The following NFKBIB variants were observed in gnomAD, a reference collection of about 807,000 sequenced individuals.
NFKBIB encodes the protein NFKB inhibitor beta.
In NFKBIB, 16 loss-of-function variants were observed where a neutral mutation model predicts 32.1. The ratio of observed to expected loss-of-function variants is 0.50; its 90% CI spans 0.34 to 0.76. The LOEUF is 0.76. NFKBIB is among the 30% of genes least tolerant of loss of function. The pLI, the probability that NFKBIB is intolerant of heterozygous loss-of-function variation, is 0.01. For synonymous variants in NFKBIB, 222 were observed against 219.5 expected (o/e 1.01, Z -0.10); for missense variants, 437 against 514.9 (o/e 0.85, Z 1.46).
chr19:38,904,850 C>T (rs531517889), intron 1 of NFKBIB, among the ~76,000 whole-genome samples, 165 bp from the exon 2 acceptor site: 3 of 152,234 alleles, frequency 2.0e-5, no homozygotes, highest in African/African-American at 4.8e-5. Flanking sequence ...ATTGATTCCA[C>T]GAATTTGCTG....
chr19:38,900,025 C>CG lies in NFKBIB; in HGVS notation c.-3dup, dbSNP rs1465073278. Reference sequence around the variant, plus strand: ...CGACTGCGGGGGGCCCCTGAGGCGGCGGGGGCCATGGCTGGGGTCGCGTGC... The same window carrying CG: ...CGACTGCGGGGGGCCCCTGAGGCGGCGGGGGGCCATGGCTGGGGTCGCGTGC... On this transcript the variant is annotated 5_prime_UTR_variant, in exon 1 of 6. Coordinates refer to ENST00000313582, the MANE Select transcript of NFKBIB (RefSeq NM_002503.5). 5.5e-6 allele frequency: 8 copies of CG among 1,460,514 alleles called. No homozygotes were observed. The highest frequency in any genetic ancestry group is 2.6e-5 in the Admixed American group (1 of 38,388). The allele number at this position is 1,460,514 out of a possible 1,614,324, so 90.5% of individuals were successfully genotyped here. A position where few individuals can be genotyped will look rare whatever the true frequency, so the allele number is the denominator to read the frequency against.
At chr19:38,908,617 G>T in intron 5 of NFKBIB, 114 bp from the exon 6 acceptor site, 1 of 1,421,154 alleles carries the variant, frequency 7.0e-7, no homozygotes, top group Non-Finnish European at 9.2e-7. Context: ...GCCAGGAGCA[G>T]GGGAACTTGG....
In NFKBIB at chr19:38,902,085, C is replaced by CTTTTTCTTTT. The variant is rs1555739747; in HGVS notation, c.179+1879_179+1880insCTTTTTTTTT. ...CTGTATAGTGTTTTTCATTTTATTTCTTTTTTTTTTTTTGAGATGGAGTCT... is the reference window on the plus strand; with the variant it reads ...CTGTATAGTGTTTTTCATTTTATTTCTTTTTCTTTTTTTTTTTTTTTTTGAGATGGAGTCT... On this transcript the variant is annotated intron_variant, in intron 1 of 5. Transcript: ENST00000313582. Among the ~76,000 whole-genome samples the CTTTTTCTTTT allele has an allele frequency of 1.6e-4, 15 of 92,368 alleles. 2 individuals are homozygous for CTTTTTCTTTT. The highest frequency in any genetic ancestry group is 1.6e-4 in the Non-Finnish European group (8 of 49,184). 60.6% of individuals were successfully genotyped at this position (92,368 alleles called of 152,430 possible).
Position 38,900,145 on chromosome 19 carries a change from C to A in NFKBIB, c.113C>A (p.Ala38Glu), listed in dbSNP as rs116900177. ...GCCCCCGGAGGACCTGGGTTGGGCG[C>A]GGAGTTGGGCCCGGGGCTGTCGTGG... Reference protein sequence around the residue: ...AAAPGGPGLGAELGPGLSWAP... With the variant: ...AAAPGGPGLGEELGPGLSWAP... Residue 38 changes from alanine to glutamate, a missense_variant, in exon 1 of 6, where the codon GCG becomes GAG. By Grantham distance (107) the Ala-to-Glu change is moderately radical (BLOSUM62 -1). Coordinates refer to ENST00000313582, the MANE Select transcript of NFKBIB (RefSeq NM_002503.5). 11 of 1,596,976 alleles carry A rather than the reference C, an allele frequency of 6.9e-6. No homozygotes were observed. In the South Asian group the frequency reaches 1.2e-4, roughly 18 times the overall value.
rs757439180 is a variant in NFKBIB, at chr19:38,907,455, T to A, written c.765T>A (p.Asp255Glu). ...TGGCAGTGGAGGCCCAGGCAGCCGA[T>A]GTGCTGGAGCTTCTCCTGAGGGCAG... Reference protein sequence around the residue: ...LHLAVEAQAADVLELLLRAGA... With the variant: ...LHLAVEAQAAEVLELLLRAGA... The change falls in exon 5 of 6, where the codon GAT (aspartate) becomes GAA (glutamate). Residue 255 changes from aspartate (D) to glutamate (E), a missense_variant. Coordinates refer to ENST00000313582, the MANE Select transcript of NFKBIB (RefSeq NM_002503.5). The A allele has an allele frequency of 8.1e-6, 13 of 1,607,126 alleles. No individual in the cohort carries two copies. The highest frequency in any genetic ancestry group is 1.0e-5 in the Non-Finnish European group (12 of 1,175,638).
rs770065311 is a variant in NFKBIB, at chr19:38,908,824, C to T, written c.1063C>T (p.Pro355Ser). ...AAAACCTCTTCCTGACGACCCCCGCCCCGTGTGATTTGTTTCATTGTTAAT... is the reference window on the plus strand; with the variant it reads ...AAAACCTCTTCCTGACGACCCCCGCTCCGTGTGATTTGTTTCATTGTTAAT... Reference protein sequence around the residue: ...ASKPLPDDPRPV With the variant: ...ASKPLPDDPRSV The change falls in exon 6 of 6, where the codon CCC becomes TCC. Residue 355 changes from proline (P) to serine (S), a missense_variant. Transcript: ENST00000313582. 1.2e-6 allele frequency: 2 copies of T among 1,611,104 alleles called. No homozygotes were observed. The highest frequency in any genetic ancestry group is 1.7e-6 in the Non-Finnish European group (2 of 1,179,304).
chr19:38,907,472 T>A lies in NFKBIB; in HGVS notation c.782T>A (p.Leu261Gln). Residue 261 changes from leucine to glutamine, a missense_variant, in exon 5 of 6, where the codon CTG (leucine) becomes CAG (glutamine). Physicochemically the swap from Leu to Gln is moderately radical, Grantham distance 113. Transcript: ENST00000313582. ...GCAGCCGATGTGCTGGAGCTTCTCC[T>A]GAGGGCAGGCGCGAACCCTGCTGCC... ...AQAADVLELLLRAGANPAARM... is the reference protein window; with the variant it reads ...AQAADVLELLQRAGANPAARM... 1 of 1,611,120 alleles carries A rather than the reference T, an allele frequency of 6.2e-7. No individual in the cohort carries two copies. The highest frequency in any genetic ancestry group is 8.5e-7 in the Non-Finnish European group (1 of 1,178,652).
intron 5 of NFKBIB, chr19:38,907,908 T>C: frequency 7.4e-7 from 1 of 1,355,950 alleles, no homozygotes; most frequent in South Asian, 2.0e-5. Context: ...AGAAAAGGCG[T>C]TGGTCGCAGT....
At chr19:38,900,250 C>T (rs1270547148) in intron 1 of NFKBIB, 39 bp downstream of exon 1, 2 of 1,539,806 alleles carry the variant, frequency 1.3e-6, no homozygotes, top group South Asian at 1.2e-5. Flanking sequence ...GCCCTAGGAC[C>T]CGGCGTCACA....
intron 5 of NFKBIB, 168 bp downstream of exon 5, chr19:38,907,827 GTGGGAAGAGCT>G: frequency 1.4e-6 from 2 of 1,425,692 alleles, no homozygotes; most frequent in African/African-American, 1.4e-5. Context: ...GACAGGGGTG[GTGGGAAGAGCT>G]TGGGCAGAAG....
chr19:38,907,550 C>G lies in NFKBIB; in HGVS notation c.860C>G (p.Pro287Arg), dbSNP rs771782234. 6.2e-7 allele frequency: 1 copy of G among 1,612,544 alleles called. No homozygotes were observed. The highest frequency in any genetic ancestry group is 8.5e-7 in the Non-Finnish European group (1 of 1,179,684). Residue 287 changes from proline (P) to arginine (R), a missense_variant, in exon 5 of 6, where the codon CCC becomes CGC. Pro to Arg is a moderately radical substitution (Grantham distance 103). Coordinates refer to ENST00000313582, the MANE Select transcript of NFKBIB (RefSeq NM_002503.5). ...GGCAGTGCCATGCTCCGGCCCAACCCCATCCTCGCCCGCCTCCTCCGTGCA... is the reference window on the plus strand; with the variant it reads ...GGCAGTGCCATGCTCCGGCCCAACCGCATCCTCGCCCGCCTCCTCCGTGCA... The part of the protein sequence containing the change: ...PLGSAMLRPN[P>R]ILARLLRAHG...
chr19:38,903,839 G>A (rs2144728850), intron 1 of NFKBIB, among the ~76,000 whole-genome samples: 1 of 152,076 alleles, frequency 6.6e-6, no homozygotes, highest in East Asian at 2.0e-4. Context: ...GGGAGGCCAA[G>A]GCGGGTGGAT....
At position 38,907,983 on chromosome 19, in the gene NFKBIB, G is replaced by T. The variant is rs370233723; in HGVS notation, c.969+324G>T. 63 of 1,195,046 alleles carry T rather than the reference G, an allele frequency of 5.3e-5. No homozygotes were observed. In the East Asian group the frequency reaches 7.1e-4, roughly 14 times the overall value. 74.0% of individuals were successfully genotyped at this position (1,195,046 alleles called of 1,614,324 possible). ...GTGATTTTAGGCAGCAAGAATTGGA[G>T]AACTCACACTGCGAAAAGAAAACCT... On this transcript the variant is annotated intron_variant, in intron 5 of 5. Transcript: ENST00000313582.
upstream of NFKBIB, chr19:38,899,726 AGC>A: frequency 1.3e-6 from 1 of 782,208 alleles, no homozygotes; most frequent in African/African-American, 1.7e-5. Flanking sequence ...CAACACCCAG[AGC>A]GCCCCAGTTA....
chr19:38,905,094 A>G lies in NFKBIB; in HGVS notation c.259A>G (p.Met87Val). The G allele has an allele frequency of 1.2e-6, 2 of 1,614,170 alleles. No homozygotes were observed. Among genetic ancestry groups the G allele is most frequent in the Non-Finnish European group, 8.5e-7 (1 of 1,180,036 alleles). Residue 87 changes from methionine (M) to valine (V), a missense_variant, in exon 2 of 6, where the codon ATG (methionine) becomes GTG (valine). By Grantham distance (21) the Met-to-Val change is conservative (BLOSUM62 1). Transcript: ENST00000313582. The surrounding 1 kb of genome is among the most constrained non-coding windows in gnomAD (Gnocchi z 5.5). ...LLGFSAGTEY[M>V]DLQNDLGQTA... Reference sequence around the variant, plus strand: ...AGGCTTCTCGGCCGGCACTGAGTACATGGACCTGCAGAATGACCTAGGCCA... The same window carrying G: ...AGGCTTCTCGGCCGGCACTGAGTACGTGGACCTGCAGAATGACCTAGGCCA...
Position 38,907,420 on chromosome 19 carries a change from C to T in NFKBIB, c.730C>T (p.Pro244Ser), listed in dbSNP as rs551543726. The T allele has an allele frequency of 9.3e-5, 148 of 1,594,672 alleles. No homozygotes were observed. In the South Asian group the frequency reaches 1.6e-3, roughly 17 times the overall value. Residue 244 changes from proline to serine, a missense_variant, in exon 5 of 6, where the codon CCC becomes TCC. By Grantham distance (74) the Pro-to-Ser change is moderately conservative (BLOSUM62 -1). Coordinates refer to ENST00000313582, the MANE Select transcript of NFKBIB (RefSeq NM_002503.5). Reference sequence around the variant, plus strand: ...ACAGGAGCCCACGTGCGGCCGGAGCCCCCTTCATTTGGCAGTGGAGGCCCA... The same window carrying T: ...ACAGGAGCCCACGTGCGGCCGGAGCTCCCTTCATTTGGCAGTGGAGGCCCA... ...DKPEPTCGRS[P>S]LHLAVEAQAA...
chr19:38,908,502 G>A, intron 5 of NFKBIB: 2 of 1,223,640 alleles, frequency 1.6e-6, no homozygotes, highest in Non-Finnish European at 2.1e-6. Context: ...TCACGCCACT[G>A]CATTCCAGCC....
intron 1 of NFKBIB, among the ~76,000 whole-genome samples, chr19:38,903,000 C>T (rs1253586190): frequency 2.0e-5 from 3 of 152,006 alleles, no homozygotes; most frequent in Non-Finnish European, 2.9e-5. Flanking sequence ...ACCCGGGAGG[C>T]GGAGGTTGCA....
rs1460392221 is a variant in NFKBIB at position 38,905,541 on chromosome 19, G to T, written c.619+6G>T. 6.3e-7 allele frequency: 1 copy of T among 1,593,146 alleles called. No homozygotes were observed. ...GGAGGCTGAAAACTACGAGGGTGAG[G>T]GTCGTCACCAGGGAAGGACTCAGCT... On this transcript the variant is annotated splice_donor_region_variant and intron_variant, in intron 3 of 5. Coordinates refer to ENST00000313582, the MANE Select transcript of NFKBIB (RefSeq NM_002503.5). The surrounding 1 kb of genome is among the most constrained non-coding windows in gnomAD (Gnocchi z 5.5).
Sources: gnomAD v4.1 joint callset for allele counts (sites outside exome capture counted in the v4.1 genomes callset) on GRCh38, gnomAD v4.1.1 for gene constraint, Gnocchi (gnomAD v3.1) non-coding constraint, MANE v1.5 for transcripts, NCBI Gene and HGNC (gene_info 2026-07-23, HGNC 2026-07-21) for gene names.